DAB2IP: variants seen among roughly 807,000 people sequenced by gnomAD.
DAB2IP encodes disabled homolog 2-interacting protein.
In DAB2IP, 28 loss-of-function variants were observed where a neutral mutation model predicts 107.2. The ratio of observed to expected loss-of-function variants is 0.26; its 90% CI spans 0.19 to 0.36. The LOEUF (loss-of-function observed/expected upper bound fraction) is 0.36, where lower values mean the gene tolerates loss of function less well. Among genes scored for constraint, DAB2IP ranks in the 10% least tolerant of loss-of-function variants. The pLI, the probability that DAB2IP is intolerant of heterozygous loss-of-function variation, is 1.00. For synonymous variants in DAB2IP, 755 were observed against 706.4 expected (o/e 1.07, Z -1.09); for missense variants, 1,400 against 1,644.7 (o/e 0.85, Z 2.57).
rs1278417623 is a variant in DAB2IP, at chr9:121,776,412, G to T, written c.3314+21G>T. The T allele has an allele frequency of 6.6e-7, 1 of 1,504,248 alleles. No homozygotes were observed. Among genetic ancestry groups the T allele is most frequent in the Non-Finnish European group, 8.9e-7 (1 of 1,125,958 alleles). The allele number at this position is 1,504,248 out of a possible 1,614,324, so 93.2% of individuals were successfully genotyped here. A position where few individuals can be genotyped will look rare whatever the true frequency, so the allele number is the denominator to read the frequency against. On this transcript the variant is annotated intron_variant, in intron 14 of 15. Coordinates refer to ENST00000408936, the Ensembl canonical transcript of DAB2IP. This position sits in a 1 kb window ranked among gnomAD's most constrained non-coding sequence, Gnocchi z 5.4. ...AGCAGGTGGGGCCCACACCTGCCTG[G>T]CCTGGCCACAGGCACAGGCAGGGCA...
At chr9:121,775,513 C>T (rs1042242064) in intron 13 of DAB2IP, among the ~76,000 whole-genome samples, 3 of 152,206 alleles carry the variant, frequency 2.0e-5, no homozygotes, top group East Asian at 1.9e-4. Context: ...TGGCCCCTCT[C>T]GATCCCGGCG....
At chr9:121,641,834 TTTTC>T (rs1333643868) in intron 1 of DAB2IP, among the ~76,000 whole-genome samples, 16 of 151,556 alleles carry the variant, frequency 1.1e-4, no homozygotes, top group Middle Eastern at 3.4e-3. Context: ...TCTTTCTTTC[TTTTC>T]TTTCTTTCTT....
At position 121,633,404 on chromosome 9, in the gene DAB2IP, C is replaced by CGGGG. The variant is rs1554716715; in HGVS notation, c.41-45274_41-45273insGGGG. Among the ~76,000 whole-genome samples, 10 of 152,140 alleles carry CGGGG rather than the reference C, an allele frequency of 6.6e-5. No individual in the cohort carries two copies. Among genetic ancestry groups the CGGGG allele is most frequent in the Non-Finnish European group, 1.5e-4 (10 of 68,030 alleles). ...CCCCACCCCCCCTACCAAACCACCT[C>CGGGG]TGCTGCAAACAGAGTGCCTGGTGAG... On this transcript the variant is annotated intron_variant, in intron 1 of 16. Coordinates refer to the DAB2IP transcript ENST00000259371. The surrounding 1 kb of genome is among the most constrained non-coding windows in gnomAD (Gnocchi z 5.1).
rs72764047 is a variant in DAB2IP at position 121,622,511 on chromosome 9, C to T, written c.40+55283C>T. 3.5e-3 allele frequency among the ~76,000 whole-genome samples: 530 copies of T among 152,244 alleles called. 6 individuals are homozygous for T. The highest frequency in any genetic ancestry group is 5.0e-3 in the South Asian group (24 of 4,824). On this transcript the variant is annotated intron_variant, in intron 1 of 16. Transcript: ENST00000259371. ...TTCTATTCCTTGTGACTCACTGTCT[C>T]GAAGGTTACGTGGGTTTTGTCAGAT...
intron 1 of DAB2IP, among the ~76,000 whole-genome samples, chr9:121,639,147 T>G (rs575453721): frequency 2.4e-4 from 36 of 152,320 alleles, no homozygotes; most frequent in African/African-American, 7.9e-4. Flanking sequence ...AGTAACAGGA[T>G]TCACTGCTTT....
At chr9:121,763,446 T>C (rs986759351) in intron 6 of DAB2IP, 59 bp from the exon 7 acceptor site, 9 of 1,556,374 alleles carry the variant, frequency 5.8e-6, no homozygotes, top group Admixed American at 5.7e-5. Flanking sequence ...TCTGGAATCC[T>C]AGGGCCCTCC....
chr9:121,646,048 T>C (rs1415330934), intron 1 of DAB2IP, among the ~76,000 whole-genome samples: 1 of 152,052 alleles, frequency 6.6e-6, no homozygotes, highest in African/African-American at 2.4e-5. Flanking sequence ...CCTGGGTGAC[T>C]TGATTGGAAA....
chr9:121,783,825 C>A lies in DAB2IP; in HGVS notation c.*1327C>A, dbSNP rs1214759166. The A allele has an allele frequency of 3.4e-5, 18 of 531,936 alleles. No homozygotes were observed. In the Admixed American group the frequency reaches 5.0e-4, roughly 15 times the overall value. 33.0% of individuals were successfully genotyped at this position (531,936 alleles called of 1,614,324 possible). A position where few individuals can be genotyped will look rare whatever the true frequency, so the allele number is the denominator to read the frequency against. On this transcript the variant is annotated 3_prime_UTR_variant, in exon 16 of 16. Coordinates refer to ENST00000408936, the Ensembl canonical transcript of DAB2IP. ...TTCTGTAGCTTATCTGCCCCTCCCC[C>A]ACTTTCAAGACAGATGAGCAGGAGC... is the stretch of plus-strand genomic sequence containing the variant.
chr9:121,576,847 C>T (rs1830069985), intron 1 of DAB2IP, among the ~76,000 whole-genome samples: 1 of 152,122 alleles, frequency 6.6e-6, no homozygotes. Flanking sequence ...TGGTGACGGT[C>T]ACCTTTGAGA....
At chr9:121,621,597 C>T (rs1589418125) in intron 1 of DAB2IP, among the ~76,000 whole-genome samples, 1 of 151,976 alleles carries the variant, frequency 6.6e-6, no homozygotes, top group East Asian at 1.9e-4. Context: ...TCCCCTGTCT[C>T]CCATCAGAAT....
intron 3 of DAB2IP, chr9:121,751,014 C>T (rs1833076118): frequency 5.8e-6 from 1 of 172,684 alleles, no homozygotes; most frequent in Non-Finnish European, 1.3e-5. Context: ...CCTGTATCCC[C>T]CGGTCCTTCC....
chr9:121,776,213 C>T lies in DAB2IP; in HGVS notation c.3136C>T (p.Gln1046Ter). 6.3e-7 allele frequency: 1 copy of T among 1,577,376 alleles called. No individual in the cohort carries two copies. Among genetic ancestry groups the T allele is most frequent in the Non-Finnish European group, 8.6e-7 (1 of 1,161,940 alleles). The change falls in exon 14 of 16, where the codon CAG (glutamine) becomes TAG (stop). Residue 1046 changes from glutamine (Q) to a stop codon, truncating the protein, a stop_gained. Coordinates refer to ENST00000408936, the Ensembl canonical transcript of DAB2IP. LOFTEE classifies it high-confidence loss of function. This position sits in a 1 kb window ranked among gnomAD's most constrained non-coding sequence, Gnocchi z 5.4. ...CTCCTGGTAGGACCTGGCGGTGCTG[C>T]AGGACAAGCTGCGAATCTCCACCAA...
At chr9:121,582,311 A>G (rs1454163906) in intron 1 of DAB2IP, among the ~76,000 whole-genome samples, 1 of 152,084 alleles carries the variant, frequency 6.6e-6, no homozygotes, top group South Asian at 2.1e-4. Context: ...GGGCCAGGCC[A>G]GGGTGGGATG....
exon 16 of DAB2IP, chr9:121,783,146 C>T (rs1835781385): frequency 9.3e-7 from 1 of 1,070,960 alleles, no homozygotes; most frequent in African/African-American, 1.6e-5. Flanking sequence ...CCCTCTGAAC[C>T]TGTCCCCAGA....
intron 2 of DAB2IP, among the ~76,000 whole-genome samples, chr9:121,686,306 G>A (rs554845361): frequency 1.2e-4 from 19 of 152,330 alleles, no homozygotes; most frequent in African/African-American, 4.1e-4. Context: ...GGCAGTGTGA[G>A]TGAGGAGGAT....
chr9:121,742,995 G>T, intron 3 of DAB2IP: 1 of 985,484 alleles, frequency 1.0e-6, no homozygotes, highest in Non-Finnish European at 1.2e-6. Context: ...AGCAGTTGGG[G>T]CCTGTGGTCC....
chr9:121,757,259 T>A, intron 4 of DAB2IP, 93 bp downstream of exon 4: 1 of 1,503,732 alleles, frequency 6.7e-7, no homozygotes, highest in Non-Finnish European at 8.9e-7. Context: ...CAGTCTGCTG[T>A]GGCCTCAGCA....
chr9:121,755,764 G>T (rs1204624978), intron 3 of DAB2IP, among the ~76,000 whole-genome samples: 1 of 152,188 alleles, frequency 6.6e-6, no homozygotes, highest in African/African-American at 2.4e-5. Flanking sequence ...CCGCTGACCC[G>T]GGGCAGTCGC....
At chr9:121,783,375 G>A in exon 16 of DAB2IP, 1 of 1,525,128 alleles carries the variant, frequency 6.6e-7, no homozygotes, top group Non-Finnish European at 8.8e-7. Context: ...CTTCTCCTGG[G>A]GCCCAGCACA....
Sources: gnomAD v4.1 joint callset for allele counts (sites outside exome capture counted in the v4.1 genomes callset) on GRCh38, gnomAD v4.1.1 for gene constraint, Gnocchi (gnomAD v3.1) non-coding constraint, MANE v1.5 for transcripts, NCBI Gene and HGNC (gene_info 2026-07-23, HGNC 2026-07-21) for gene names.